Variants in GPATCH3 observed in about 807,000 individuals in gnomAD.
GPATCH3 encodes the protein G patch domain-containing protein 3.
A neutral mutation model predicts 53.2 loss-of-function variants in GPATCH3; 45 were observed. The observed-to-expected ratio is 0.85, with a 90% CI of 0.67 to 1.08. The LOEUF is 1.08. GPATCH3 is among the 50% of genes least tolerant of loss of function. GPATCH3 has a pLI of 0.00. For missense variants in GPATCH3, 680 were observed against 687.2 expected (o/e 0.99, Z 0.12); for synonymous variants, 280 against 270.6 (o/e 1.03, Z -0.34).
chr1:26,895,163 G>C (rs2081945382), intron 2 of GPATCH3, among the ~76,000 whole-genome samples: 1 of 152,144 alleles, frequency 6.6e-6, no homozygotes, highest in Non-Finnish European at 1.5e-5. Context: ...CCCTTGGCTT[G>C]ACGGGACTTG....
At position 26,900,230 on chromosome 1, in the gene GPATCH3, T is replaced by A; in HGVS notation, c.213A>T (p.Pro71=). The change falls in exon 1 of 7, where the codon CCA becomes CCT. Residue 71 remains proline (P), a synonymous_variant. Transcript: ENST00000361720. ...GAGAGAGAAGCTGGCCCTCAGCGGC[T>A]GGGTCGGTAGGAATTAGGGCAGAGT... ...APNSALIPTD[P]AAEGQLLSQT... is the part of the protein sequence containing the mutation. 6.2e-7 allele frequency: 1 copy of A among 1,614,088 alleles called. No individual in the cohort carries two copies. The highest frequency in any genetic ancestry group is 8.5e-7 in the Non-Finnish European group (1 of 1,180,016).
chr1:26,893,527 GGCT>G, intron 3 of GPATCH3, 79 bp from the exon 4 acceptor site: 1 of 860,118 alleles, frequency 1.2e-6, no homozygotes. Flanking sequence ...GAGTTTTTTT[GGCT>G]TTTTTTTTTT....
At position 26,900,378 on chromosome 1, in the gene GPATCH3, G is replaced by A. The variant is rs1315499642; in HGVS notation, c.65C>T (p.Ser22Phe). 3 of 1,613,930 alleles carry A rather than the reference G, an allele frequency of 1.9e-6. No individual in the cohort carries two copies. In the Admixed American group the frequency reaches 5.0e-5, roughly 27 times the overall value. The part of the protein sequence containing the change: ...TVYLVVSGIP[S>F]VLRSAHLRSY... Reference sequence around the variant, plus strand: ...CCGTAAATGGGCCGAGCGCAACACGGAGGGGATACCGCTCACTACCAGGTA... The same window carrying A: ...CCGTAAATGGGCCGAGCGCAACACGAAGGGGATACCGCTCACTACCAGGTA... The change falls in exon 1 of 7, where the codon TCC becomes TTC. Residue 22 changes from serine to phenylalanine, a missense_variant. Coordinates refer to ENST00000361720, the MANE Select transcript of GPATCH3 (RefSeq NM_022078.3).
At chr1:26,893,351 C>A in intron 4 of GPATCH3, 38 bp downstream of exon 4, 1 of 1,521,128 alleles carries the variant, frequency 6.6e-7, no homozygotes, top group Non-Finnish European at 9.1e-7. Context: ...GCCAGGGCAC[C>A]TGTTTCACCT....
In GPATCH3 at chr1:26,900,292, GC is replaced by G; in HGVS notation, c.150del (p.His51IlefsTer16). The G allele has an allele frequency of 6.2e-7, 1 of 1,613,988 alleles. No individual in the cohort carries two copies. On this transcript the variant is annotated frameshift_variant, in exon 1 of 7. Coordinates refer to ENST00000361720, the MANE Select transcript of GPATCH3 (RefSeq NM_022078.3). LOFTEE classifies it high-confidence loss of function. Reference sequence around the variant, plus strand: ...TGCGGAGGGGCCCGCTCAGGCCGATGCCGGTAGTGGAAACAGAGGAAGCCAC... The same window carrying G: ...TGCGGAGGGGCCCGCTCAGGCCGATGCGGTAGTGGAAACAGAGGAAGCCAC... Reference protein sequence around the residue: ...RGGGFLCFHYRHRPERAPPQA... With the variant: ...RGGGFLCFHYXHRPERAPPQA...
chr1:26,896,093 AG>A (rs2081949569), intron 2 of GPATCH3, among the ~76,000 whole-genome samples: 3 of 152,220 alleles, frequency 2.0e-5, no homozygotes, highest in South Asian at 4.1e-4. Context: ...GTGAGAGTGG[AG>A]GCTACTGTTC....
chr1:26,892,543 A>T lies in GPATCH3; in HGVS notation c.1234-5T>A. On this transcript the variant is annotated splice_region_variant and splice_polypyrimidine_tract_variant and intron_variant, in intron 5 of 6. Coordinates refer to ENST00000361720, the MANE Select transcript of GPATCH3 (RefSeq NM_022078.3). ...CATCACCTTCCGCCCAATGCCCTGC[A>T]GAGTGAAGGGACAAGACTCAAGAAA... 6.2e-7 allele frequency: 1 copy of T among 1,610,886 alleles called. No homozygotes were observed.
chr1:26,892,062 C>CT (rs1385603355), intron 6 of GPATCH3, among the ~76,000 whole-genome samples: 2 of 152,070 alleles, frequency 1.3e-5, no homozygotes, highest in Non-Finnish European at 2.9e-5. Flanking sequence ...AGGCTGGTCT[C>CT]TAACTCCTGA....
rs1274966180 is a variant in GPATCH3 at position 26,897,620 on chromosome 1, G to A, written c.557C>T (p.Pro186Leu). 1.2e-6 allele frequency: 2 copies of A among 1,614,112 alleles called. No homozygotes were observed. Among genetic ancestry groups the A allele is most frequent in the East Asian group, 2.2e-5 (1 of 44,900 alleles). Residue 186 changes from proline to leucine, a missense_variant, in exon 2 of 7, where the codon CCA becomes CTA. Physicochemically the swap from Pro to Leu is moderately conservative, Grantham distance 98. Coordinates refer to ENST00000361720, the MANE Select transcript of GPATCH3 (RefSeq NM_022078.3). ...ADLKQLPELN[P>L]PVLMPRGNVG... ...ATTCCCTCTGGGCATCAGCACTGGT[G>A]GGTTCAGCTCCGGCAGTTGCTTCAG...
intron 4 of GPATCH3, 34 bp from the exon 5 acceptor site, chr1:26,892,825 C>A: frequency 6.2e-7 from 1 of 1,604,946 alleles, no homozygotes; most frequent in Non-Finnish European, 8.5e-7. Context: ...TGGAAGCGTC[C>A]CTCTCAAAGA....
rs752695346 is a variant in GPATCH3 at position 26,900,005 on chromosome 1, A to C, written c.438T>G (p.Pro146=). ...GRCLIRRLRL[P]TEASGLGSFP... ...TCTCACTCTTACCTGATGCCTCCGT[A>C]GGTAGCCGAAGTCTGCGGATGAGAC... Residue 146 remains proline (P), a synonymous_variant, in exon 1 of 7, where the codon CCT becomes CCG. Transcript: ENST00000361720. 1 of 1,613,990 alleles carries C rather than the reference A, an allele frequency of 6.2e-7. No individual in the cohort carries two copies. The highest frequency in any genetic ancestry group is 1.3e-5 in the African/African-American group (1 of 74,926).
rs755132367 is a variant in GPATCH3, at chr1:26,897,482, T to C, written c.695A>G (p.Tyr232Cys). The change falls in exon 2 of 7, where the codon TAC (tyrosine) becomes TGC (cysteine). Residue 232 changes from tyrosine (Y) to cysteine (C), a missense_variant. Physicochemically the swap from Tyr to Cys is radical, Grantham distance 194. Coordinates refer to ENST00000361720, the MANE Select transcript of GPATCH3 (RefSeq NM_022078.3). ...QFPKTGSSRR[Y>C]GNVPFEYEDS... ...CTCATACTCAAAAGGCACATTGCCG[T>C]AGCGCCGGGAGGAACCTGTCTTGGG... 4 of 1,614,232 alleles carry C rather than the reference T, an allele frequency of 2.5e-6. No individual in the cohort carries two copies. In the South Asian group the frequency reaches 3.3e-5, roughly 13 times the overall value.
At chr1:26,895,925 C>T (rs913990028) in intron 2 of GPATCH3, among the ~76,000 whole-genome samples, 10 of 152,240 alleles carry the variant, frequency 6.6e-5, no homozygotes, top group African/African-American at 2.4e-4. Flanking sequence ...CCACTGCACC[C>T]AGCTGGCTGG....
rs770351598 is a variant in GPATCH3, at chr1:26,894,292, C to T, written c.995G>A (p.Gly332Asp). The T allele has an allele frequency of 3.7e-6, 6 of 1,614,144 alleles. No homozygotes were observed. The highest frequency in any genetic ancestry group is 5.1e-6 in the Non-Finnish European group (6 of 1,180,028). ...AGTATAAAACACCAGGCCAGAGCCACCCTTCTCCCACTTGAGCTCAATCTC... is the reference window on the plus strand; with the variant it reads ...AGTATAAAACACCAGGCCAGAGCCATCCTTCTCCCACTTGAGCTCAATCTC... ...EEEIELKWEK[G>D]GSGLVFYTDA... Residue 332 changes from glycine (G) to aspartate (D), a missense_variant, in exon 3 of 7, where the codon GGT (glycine) becomes GAT (aspartate). Gly to Asp is a moderately conservative substitution (Grantham distance 94). Coordinates refer to ENST00000361720, the MANE Select transcript of GPATCH3 (RefSeq NM_022078.3).
intron 2 of GPATCH3, among the ~76,000 whole-genome samples, chr1:26,895,505 T>C (rs186744797): frequency 7.5e-4 from 68 of 91,116 alleles, no homozygotes; most frequent in Admixed American, 3.4e-3. Context: ...GCCAGGACAA[T>C]AGAACCAGAG....
chr1:26,896,594 G>A lies in GPATCH3; in HGVS notation c.876+707C>T, dbSNP rs577537866. ...ACATGCCTGAAGTCCCAGCTTACTC[G>A]GGAGGCTGAGGCAGGAGAATCACTT... On this transcript the variant is annotated intron_variant, in intron 2 of 6. Coordinates refer to ENST00000361720, the MANE Select transcript of GPATCH3 (RefSeq NM_022078.3). Among the ~76,000 whole-genome samples, 9 of 151,442 alleles carry A rather than the reference G, an allele frequency of 5.9e-5. No homozygotes were observed. In the East Asian group the frequency reaches 1.5e-3, roughly 26 times the overall value.
At chr1:26,891,572 G>T (rs1263562605) in intron 6 of GPATCH3, among the ~76,000 whole-genome samples, 1 of 151,894 alleles carries the variant, frequency 6.6e-6, no homozygotes, top group Non-Finnish European at 1.5e-5. Context: ...TCTGAGATGG[G>T]GTCTCACTAT....
intron 4 of GPATCH3, 43 bp downstream of exon 4, chr1:26,893,346 G>A (rs1201965649): frequency 1.3e-6 from 2 of 1,482,078 alleles, no homozygotes; most frequent in Non-Finnish European, 9.4e-7. Context: ...GCAAGGCCAG[G>A]GCACCTGTTT....
At position 26,891,121 on chromosome 1, in the gene GPATCH3, C is replaced by T. The variant is rs967639108; in HGVS notation, c.1467G>A (p.Gln489=). ...GCTGGCGGCGGAGCAGTGACTCCGT[C>T]TGGTCTTGGGGTAGAGGCTCATCAT... is the stretch of plus-strand genomic sequence containing the variant. ...TIYDEPLPQD[Q]TESLLRRQPP... is the part of the protein sequence containing the mutation. Residue 489 remains glutamine (Q), a synonymous_variant, in exon 7 of 7, where the codon CAG becomes CAA. Transcript: ENST00000361720. 3.7e-5 allele frequency: 59 copies of T among 1,614,020 alleles called. 1 individual carries two copies. The highest frequency in any genetic ancestry group is 4.4e-5 in the Non-Finnish European group (52 of 1,180,038).
Sources: gnomAD v4.1 joint callset for allele counts (sites outside exome capture counted in the v4.1 genomes callset) on GRCh38, gnomAD v4.1.1 for gene constraint, MANE v1.5 for transcripts, NCBI Gene and HGNC (gene_info 2026-07-23, HGNC 2026-07-21) for gene names.